Variants in ZMIZ2 observed in about 807,000 individuals in gnomAD.
ZMIZ2 encodes zinc finger MIZ-type containing 2.
Under a neutral mutation model 93.9 loss-of-function variants are expected in ZMIZ2, and 26 were observed. That is an observed-to-expected ratio of 0.28 (90% confidence interval 0.20 to 0.38). ZMIZ2 has a LOEUF of 0.38. ZMIZ2 is among the 10% of genes least tolerant of loss of function. ZMIZ2 has a pLI of 1.00. For synonymous variants in ZMIZ2, 485 were observed against 516.4 expected (o/e 0.94, Z 0.82); for missense variants, 1,023 against 1,235.0 (o/e 0.83, Z 2.57).
At chr7:44,749,628 A>C (rs1444532441) in intron 1 of ZMIZ2, among the ~76,000 whole-genome samples, 13 of 152,132 alleles carry the variant, frequency 8.5e-5, no homozygotes, top group Non-Finnish European at 2.9e-5. Flanking sequence ...TGTCTTCCCT[A>C]GTGCCAGGTG....
chr7:44,762,963 C>G lies in ZMIZ2; in HGVS notation c.1679C>G (p.Pro560Arg). ...LQGLLKKRLL[P>R]AEHCITKIKR... is the part of the protein sequence containing the mutation. ...GGCCTCCTCAAAAAGCGCCTCCTGCCTGCTGAGCACTGCATCACCAAGAGT... is the reference window on the plus strand; with the variant it reads ...GGCCTCCTCAAAAAGCGCCTCCTGCGTGCTGAGCACTGCATCACCAAGAGT... The change falls in exon 12 of 19, where the codon CCT becomes CGT. Residue 560 changes from proline to arginine, a missense_variant. By Grantham distance (103) the Pro-to-Arg change is moderately radical (BLOSUM62 -2). Around this residue, in one of 3 missense-constraint regions of ZMIZ2, gnomAD observed 656 missense variants for 777.1 expected, o/e 0.84. Coordinates refer to ENST00000309315, the MANE Select transcript of ZMIZ2 (RefSeq NM_031449.4). 1 of 1,613,334 alleles carries G rather than the reference C, an allele frequency of 6.2e-7. No homozygotes were observed. The highest frequency in any genetic ancestry group is 1.1e-5 in the South Asian group (1 of 91,056).
At chr7:44,759,554 G>A (rs1790954218) in intron 7 of ZMIZ2, 94 bp downstream of exon 7, 2 of 1,206,392 alleles carry the variant, frequency 1.7e-6, no homozygotes, top group Non-Finnish European at 2.1e-6. Context: ...AGAGCGACAG[G>A]GTGGCTAAAG....
rs746076419 is a variant in ZMIZ2, at chr7:44,761,613, C to A, written c.1385+20C>A. 5.6e-6 allele frequency: 9 copies of A among 1,613,712 alleles called. No homozygotes were observed. In the South Asian group the frequency reaches 9.9e-5, roughly 18 times the overall value. On this transcript the variant is annotated intron_variant, in intron 10 of 18. Coordinates refer to ENST00000309315, the MANE Select transcript of ZMIZ2 (RefSeq NM_031449.4). The surrounding 1 kb of genome is among the most constrained non-coding windows in gnomAD (Gnocchi z 5.8). Reference sequence around the variant, plus strand: ...AATGAGGTGAGCTCCGCCTGGCCCCCACCTGACCCCCACGAGGCTCTGTTC... The same window carrying A: ...AATGAGGTGAGCTCCGCCTGGCCCCAACCTGACCCCCACGAGGCTCTGTTC...
intron 1 of ZMIZ2, among the ~76,000 whole-genome samples, chr7:44,752,753 C>A (rs970870377): frequency 2.6e-5 from 4 of 152,206 alleles, no homozygotes; most frequent in African/African-American, 9.7e-5. Flanking sequence ...AACTCTTCAT[C>A]CATTGAAGGA....
At position 44,761,447 on chromosome 7, in the gene ZMIZ2, A is replaced by G; in HGVS notation, c.1241-2A>G. The G allele has an allele frequency of 6.2e-7, 1 of 1,612,728 alleles. No homozygotes were observed. On this transcript the variant is annotated splice_acceptor_variant, in intron 9 of 18. Transcript: ENST00000309315. LOFTEE classifies it high-confidence loss of function. The surrounding 1 kb of genome is among the most constrained non-coding windows in gnomAD (Gnocchi z 5.8). ...CTCACAGCCAGTGGCCTCTGCTCCCAGGAAGCGGGCCTTGTGACGAGTTGC... is the reference window on the plus strand; with the variant it reads ...CTCACAGCCAGTGGCCTCTGCTCCCGGGAAGCGGGCCTTGTGACGAGTTGC...
rs556033381 is a variant in ZMIZ2 at position 44,766,360 on chromosome 7, G to C, written c.2412+27G>C. ...TCAGTGCCAAGCCGAGAGGCCAAGG[G>C]GCCCTGTCTCCCCAGGGGAGCCCCT... On this transcript the variant is annotated intron_variant, in intron 17 of 18. Coordinates refer to ENST00000309315, the MANE Select transcript of ZMIZ2 (RefSeq NM_031449.4). This position sits in a 1 kb window ranked among gnomAD's most constrained non-coding sequence, Gnocchi z 4.4. The C allele has an allele frequency of 6.2e-7, 1 of 1,606,522 alleles. No individual in the cohort carries two copies. The highest frequency in any genetic ancestry group is 1.1e-5 in the South Asian group (1 of 90,574).
chr7:44,757,309 C>T, intron 4 of ZMIZ2, 69 bp from the exon 5 acceptor site: 2 of 1,565,204 alleles, frequency 1.3e-6, no homozygotes, highest in Admixed American at 1.9e-5. Context: ...CTGCATGCCT[C>T]TGGGGTGAGC....
chr7:44,758,157 A>T, intron 6 of ZMIZ2, 49 bp downstream of exon 6: 1 of 1,492,276 alleles, frequency 6.7e-7, no homozygotes, highest in Non-Finnish European at 8.9e-7. Flanking sequence ...CAACTCCCTC[A>T]CCCAGGCACT....
chr7:44,762,779 C>A lies in ZMIZ2; in HGVS notation c.1597-102C>A, dbSNP rs536684405. 5.0e-6 allele frequency: 4 copies of A among 802,114 alleles called. No homozygotes were observed. The African/African-American group carries it at 5.3e-5, about 11-fold the overall frequency. The allele number at this position is 802,114 out of a possible 1,614,324, so 49.7% of individuals were successfully genotyped here. On this transcript the variant is annotated intron_variant, in intron 11 of 18. Coordinates refer to ENST00000309315, the MANE Select transcript of ZMIZ2 (RefSeq NM_031449.4). ...CCTGCCCTCAGCCTTGTCCCTCCCC[C>A]ACCTGGCAGCCCCTGACACACAACC...
chr7:44,767,206 G>A (rs1284006589), intron 18 of ZMIZ2, among the ~76,000 whole-genome samples: 1 of 152,206 alleles, frequency 6.6e-6, no homozygotes, highest in Non-Finnish European at 1.5e-5. Flanking sequence ...TCCCCACGCA[G>A]GCTGATGCAC....
chr7:44,766,618 C>T lies in ZMIZ2; in HGVS notation c.2610C>T (p.Pro870=). 6.2e-7 allele frequency: 1 copy of T among 1,613,384 alleles called. No individual in the cohort carries two copies. The highest frequency in any genetic ancestry group is 1.3e-5 in the African/African-American group (1 of 75,058). ...GTCCTGCCACAGGCGTGATGGGGCC[C>T]CCCAGCATGTCTGGAGCCGGGGAGG... ...AFSPATGVMG[P]PSMSGAGEAP... is the part of the protein sequence containing the mutation. The change falls in exon 18 of 19, where the codon CCC becomes CCT. Residue 870 remains proline (P), a synonymous_variant. Transcript: ENST00000309315. This position sits in a 1 kb window ranked among gnomAD's most constrained non-coding sequence, Gnocchi z 4.4.
In ZMIZ2 at chr7:44,765,789, G is replaced by A. The variant is rs527588577; in HGVS notation, c.2242+210G>A. ...AGGCACAGTCTCAGCTATGGTCCCAGGAAACAGACAGTGGGGCCTCCACCC... is the reference window on the plus strand; with the variant it reads ...AGGCACAGTCTCAGCTATGGTCCCAAGAAACAGACAGTGGGGCCTCCACCC... On this transcript the variant is annotated intron_variant, in intron 16 of 18. Coordinates refer to ENST00000309315, the MANE Select transcript of ZMIZ2 (RefSeq NM_031449.4). The surrounding 1 kb of genome is among the most constrained non-coding windows in gnomAD (Gnocchi z 4.1). 2.1e-4 allele frequency: 216 copies of A among 1,021,728 alleles called. No individual in the cohort carries two copies. In the South Asian group the frequency reaches 3.5e-3, roughly 17 times the overall value. The allele number at this position is 1,021,728 out of a possible 1,614,324, so 63.3% of individuals were successfully genotyped here.
chr7:44,764,811 C>A, intron 14 of ZMIZ2, 130 bp from the exon 15 acceptor site: 1 of 931,630 alleles, frequency 1.1e-6, no homozygotes, highest in Non-Finnish European at 1.6e-6. Context: ...ACAGAGTTAC[C>A]TTGTTCAGTT....
intron 5 of ZMIZ2, 114 bp from the exon 6 acceptor site, chr7:44,757,734 G>A: frequency 6.8e-7 from 1 of 1,460,190 alleles, no homozygotes; most frequent in Non-Finnish European, 9.1e-7. Flanking sequence ...AGGTTTCTGG[G>A]GTGTCCTGTG....
In ZMIZ2 at chr7:44,758,126, C is replaced by A; in HGVS notation, c.813+18C>A. ...ACTCTGAGGTGAGTGTCCAGGTCAC[C>A]TAGTTTGGGGCCTTGGGTACCAACT... On this transcript the variant is annotated intron_variant, in intron 6 of 18. Transcript: ENST00000309315. 4 of 1,518,814 alleles carry A rather than the reference C, an allele frequency of 2.6e-6. No homozygotes were observed. The highest frequency in any genetic ancestry group is 3.5e-6 in the Non-Finnish European group (4 of 1,133,604). The allele number at this position is 1,518,814 out of a possible 1,614,324, so 94.1% of individuals were successfully genotyped here.
chr7:44,766,361 G>A lies in ZMIZ2; in HGVS notation c.2412+28G>A, dbSNP rs577310058. The A allele has an allele frequency of 6.2e-7, 1 of 1,606,824 alleles. No homozygotes were observed. The highest frequency in any genetic ancestry group is 1.1e-5 in the South Asian group (1 of 90,572). The stretch of plus-strand genomic sequence containing the variant: ...CAGTGCCAAGCCGAGAGGCCAAGGG[G>A]CCCTGTCTCCCCAGGGGAGCCCCTG... On this transcript the variant is annotated intron_variant, in intron 17 of 18. Coordinates refer to ENST00000309315, the MANE Select transcript of ZMIZ2 (RefSeq NM_031449.4). This position sits in a 1 kb window ranked among gnomAD's most constrained non-coding sequence, Gnocchi z 4.4.
Position 44,758,086 on chromosome 7 carries a change from G to C in ZMIZ2, c.791G>C (p.Gly264Ala), listed in dbSNP as rs747778159. The change falls in exon 6 of 19, where the codon GGG (glycine) becomes GCG (alanine). Residue 264 changes from glycine (G) to alanine (A), a missense_variant. Coordinates refer to ENST00000309315, the MANE Select transcript of ZMIZ2 (RefSeq NM_031449.4). ...CAGGCCCAGCCACTGCCCCGACAGGGGGTCAAGAGAACCTACTCTGAGGTG... is the reference window on the plus strand; with the variant it reads ...CAGGCCCAGCCACTGCCCCGACAGGCGGTCAAGAGAACCTACTCTGAGGTG... ...PPQAQPLPRQ[G>A]VKRTYSEVYP... The C allele has an allele frequency of 1.3e-5, 20 of 1,580,232 alleles. No individual in the cohort carries two copies. In the East Asian group the frequency reaches 2.5e-4, roughly 20 times the overall value.
At position 44,757,587 on chromosome 7, in the gene ZMIZ2, A is replaced by T; in HGVS notation, c.552+26A>T. 2.6e-6 allele frequency: 4 copies of T among 1,565,442 alleles called. No homozygotes were observed. The East Asian group carries it at 6.8e-5, about 27-fold the overall frequency. On this transcript the variant is annotated intron_variant, in intron 5 of 18. Transcript: ENST00000309315. The stretch of plus-strand genomic sequence containing the variant: ...GTGAGCCCCCTCAGCAGCTCCTCCC[A>T]CATGGCAGCCAGCCTGAGGGCCTGG...
In ZMIZ2 at chr7:44,761,390, T is replaced by C. The variant is rs1791160684; in HGVS notation, c.1241-59T>C. 1 of 1,580,504 alleles carries C rather than the reference T, an allele frequency of 6.3e-7. No homozygotes were observed. Among genetic ancestry groups the C allele is most frequent in the South Asian group, 1.1e-5 (1 of 87,884 alleles). On this transcript the variant is annotated intron_variant, in intron 9 of 18. Transcript: ENST00000309315. The surrounding 1 kb of genome is among the most constrained non-coding windows in gnomAD (Gnocchi z 5.8). ...CTGGGGAGCCGCTGCCCTCCTTGAG[T>C]GACACAAGACGCTCTGGCTGGGGCA...
Sources: gnomAD v4.1 joint callset for allele counts (sites outside exome capture counted in the v4.1 genomes callset) on GRCh38, gnomAD v4.1.1 for gene constraint, gnomAD v4.1.1 regional missense constraint, Gnocchi (gnomAD v3.1) non-coding constraint, MANE v1.5 for transcripts, NCBI Gene and HGNC (gene_info 2026-07-23, HGNC 2026-07-21) for gene names.